Variants in EPHA6 observed in about 807,000 individuals in gnomAD.
EPHA6 encodes EPH receptor A6, also known as ephrin type-A receptor 6.
Under a neutral mutation model 112.0 loss-of-function variants are expected in EPHA6, and 50 were observed. That is an observed-to-expected ratio of 0.45 (90% CI 0.36 to 0.56). The LOEUF (loss-of-function observed/expected upper bound fraction) is 0.56. EPHA6 is among the 20% of genes least tolerant of loss of function. EPHA6 has a pLI of 0.00. For synonymous variants in EPHA6, 529 were observed against 490.7 expected (o/e 1.08, Z -1.03); for missense variants, 1,280 against 1,417.4 (o/e 0.90, Z 1.56).
At chr3:96,822,940 G>A (rs1249919342) in intron 1 of EPHA6, among the ~76,000 whole-genome samples, 5 of 151,112 alleles carry the variant, frequency 3.3e-5, no homozygotes, top group Non-Finnish European at 7.4e-5. Context: ...GCCTACTTGT[G>A]GTAATTATAT....
At chr3:96,967,406 T>G (rs1207865852) in intron 2 of EPHA6, among the ~76,000 whole-genome samples, 1 of 151,742 alleles carries the variant, frequency 6.6e-6, no homozygotes. Context: ...AGTCATTGAA[T>G]GTCTTTTTCA....
intron 10 of EPHA6, among the ~76,000 whole-genome samples, chr3:97,485,271 C>T (rs2091671663): frequency 6.6e-6 from 1 of 152,246 alleles, no homozygotes; most frequent in African/African-American, 2.4e-5. Flanking sequence ...ATTTGCAGGG[C>T]CCAGTATACC....
intron 3 of EPHA6, among the ~76,000 whole-genome samples, chr3:97,006,550 AAAAC>A (rs2043888161): frequency 6.6e-6 from 1 of 151,912 alleles, no homozygotes; most frequent in Admixed American, 6.6e-5. Flanking sequence ...TTTTTTCAAA[AAAAC>A]AGCTCCTGGA....
intron 3 of EPHA6, among the ~76,000 whole-genome samples, chr3:97,146,109 G>A (rs2076039070): frequency 6.6e-6 from 1 of 151,528 alleles, no homozygotes; most frequent in Non-Finnish European, 1.5e-5. Flanking sequence ...AATTATTTTA[G>A]AATAAAGTAC....
intron 3 of EPHA6, among the ~76,000 whole-genome samples, chr3:97,091,370 A>T (rs1010621801): frequency 1.3e-5 from 2 of 152,162 alleles, no homozygotes; most frequent in African/African-American, 4.8e-5. Flanking sequence ...ATATCTGGAG[A>T]TCAATGTACA....
At chr3:97,344,068 G>A (rs770747462) in intron 5 of EPHA6, among the ~76,000 whole-genome samples, 2 of 152,082 alleles carry the variant, frequency 1.3e-5, no homozygotes, top group Non-Finnish European at 2.9e-5. Context: ...CACATAACTT[G>A]TTTTGTTTCA....
chr3:97,072,308 G>T (rs2046385541), intron 3 of EPHA6, among the ~76,000 whole-genome samples: 1 of 152,080 alleles, frequency 6.6e-6, no homozygotes, highest in African/African-American at 2.4e-5. Context: ...AGGTTAAGAT[G>T]AGGTTCTTAA....
chr3:97,467,542 G>T (rs1216201910), intron 7 of EPHA6, among the ~76,000 whole-genome samples: 1 of 151,768 alleles, frequency 6.6e-6, no homozygotes, highest in Non-Finnish European at 1.5e-5. Flanking sequence ...AACATCATTG[G>T]TTCCAGGTCA....
At chr3:97,495,540 A>G (rs1289649216) in intron 10 of EPHA6, among the ~76,000 whole-genome samples, 1 of 152,078 alleles carries the variant, frequency 6.6e-6, no homozygotes, top group Non-Finnish European at 1.5e-5. Context: ...TTCCCATTTC[A>G]TAAATATTCC....
intron 5 of EPHA6, among the ~76,000 whole-genome samples, chr3:97,369,692 A>C (rs149934226): frequency 1.3e-5 from 2 of 152,284 alleles, no homozygotes; most frequent in African/African-American, 4.8e-5. Context: ...TGATACAATG[A>C]AACAATTCAT....
intron 3 of EPHA6, among the ~76,000 whole-genome samples, chr3:97,003,788 A>ACCCCCCCCCCCCCCCCCCCCCCCCTCC (rs551821028): frequency 1.7e-5 from 1 of 59,802 alleles, no homozygotes; most frequent in African/African-American, 6.2e-5. Context: ...CCTTCCCCTC[A>ACCCCCCCCCCCCCCCCCCCCCCCCTCC]CCCCCCCACC....
intron 10 of EPHA6, among the ~76,000 whole-genome samples, chr3:97,517,697 A>G (rs1357156433): frequency 6.6e-6 from 1 of 152,202 alleles, no homozygotes; most frequent in East Asian, 1.9e-4. Flanking sequence ...GCTTATTTCT[A>G]CTGTCTAACT....
intron 2 of EPHA6, among the ~76,000 whole-genome samples, chr3:96,900,116 G>A (rs1277877197): frequency 6.6e-6 from 1 of 152,110 alleles, no homozygotes; most frequent in East Asian, 1.9e-4. Flanking sequence ...GGTATAAAGA[G>A]GACACTTGAG....
intron 16 of EPHA6, among the ~76,000 whole-genome samples, chr3:97,742,542 A>T (rs1412955838): frequency 6.6e-6 from 1 of 152,150 alleles, no homozygotes; most frequent in Non-Finnish European, 1.5e-5. Context: ...TTAAATAATC[A>T]TATCAATAAA....
At chr3:97,655,244 G>A (rs1477935009) in intron 14 of EPHA6, among the ~76,000 whole-genome samples, 5 of 151,392 alleles carry the variant, frequency 3.3e-5, no homozygotes, top group Admixed American at 6.6e-5. Context: ...CTATTCCATG[G>A]GAGACTATGT....
chr3:97,072,619 C>T (rs1029135717), intron 3 of EPHA6, among the ~76,000 whole-genome samples: 1 of 152,040 alleles, frequency 6.6e-6, no homozygotes, highest in African/African-American at 2.4e-5. Context: ...AGGGCAAAAA[C>T]TAACTGAGAA....
chr3:97,592,619 C>G lies in EPHA6; in HGVS notation c.2394C>G (p.Phe798Leu). The change falls in exon 12 of 18, where the codon TTC becomes TTG. Residue 798 changes from phenylalanine to leucine, a missense_variant. Phe to Leu is a conservative substitution (Grantham distance 22). Around this residue, in one of 4 missense-constraint regions of EPHA6, gnomAD observed 878 missense variants for 999.7 expected, o/e 0.88. Transcript: ENST00000389672. ...RLEGVVTKRS[F>L]PAIGVEAFCP... ...ATTTTTATCTCTTAAAAGGATCCTTCCCGGCCATTGGGGTGGAGGCGTTTT... is the reference window on the plus strand; with the variant it reads ...ATTTTTATCTCTTAAAAGGATCCTTGCCGGCCATTGGGGTGGAGGCGTTTT... 1 of 1,613,070 alleles carries G rather than the reference C, an allele frequency of 6.2e-7. No homozygotes were observed. Among genetic ancestry groups the G allele is most frequent in the South Asian group, 1.1e-5 (1 of 91,054 alleles).
chr3:97,425,513 T>A (rs940669616), intron 6 of EPHA6, among the ~76,000 whole-genome samples: 4 of 152,108 alleles, frequency 2.6e-5, no homozygotes, highest in African/African-American at 9.7e-5. Context: ...GGGCACCAAG[T>A]CCCTAGGCTG....
chr3:97,305,393 T>A (rs1200648835), intron 5 of EPHA6, among the ~76,000 whole-genome samples: 2 of 152,014 alleles, frequency 1.3e-5, no homozygotes, highest in Non-Finnish European at 2.9e-5. Context: ...ATATAAATTA[T>A]TCTATTATAA....
Sources: allele counts gnomAD v4.1 joint callset (sites outside exome capture counted in the v4.1 genomes callset), GRCh38; gene constraint gnomAD v4.1.1; regional missense constraint gnomAD v4.1.1; transcripts MANE v1.5; gene names NCBI Gene and HGNC (gene_info 2026-07-23, HGNC 2026-07-21).